The following KLF7 variants were observed in gnomAD, a reference collection of about 807,000 sequenced individuals.
KLF7 encodes the protein Krueppel-like factor 7.
KLF7 carries 2 observed loss-of-function variants against 27.3 expected under a neutral mutation model. The ratio of observed to expected loss-of-function variants is 0.07; its 90% CI spans 0.03 to 0.23. The LOEUF is 0.23. Ranked by LOEUF, KLF7 falls within the 10% of genes least tolerant of loss-of-function variation. The probability of loss-of-function intolerance (pLI) is 1.00; values close to 1 mark genes in which losing one functional copy is unlikely to be tolerated. For synonymous variants in KLF7, 165 were observed against 162.4 expected, an observed-to-expected ratio of 1.02 and a Z score of -0.12; for missense variants, 221 against 394.1, an observed-to-expected ratio of 0.56 and a Z score of 3.72.
Position 207,102,830 on chromosome 2 carries a change from C to T in KLF7, c.734-14249G>A, listed in dbSNP as rs140150616. On this transcript the variant is annotated intron_variant, in intron 2 of 3. Transcript: ENST00000309446. ...AGCTTATGGCCACCCAGAACAAAGA[C>T]TGTATTTCCAATCTCCTTTGCAATT... Among the ~76,000 whole-genome samples, 28 of 152,316 alleles carry T rather than the reference C, an allele frequency of 1.8e-4. No individual in the cohort carries two copies. The East Asian group carries it at 4.4e-3, about 24-fold the overall frequency.
chr2:207,095,212 TA>T (rs2076601373), intron 2 of KLF7, among the ~76,000 whole-genome samples: 1 of 151,960 alleles, frequency 6.6e-6, no homozygotes, highest in Non-Finnish European at 1.5e-5. Context: ...CACGTCCAGC[TA>T]ATTTTTTTGT....
At position 207,109,598 on chromosome 2, in the gene KLF7, C is replaced by T. The variant is rs190429604; in HGVS notation, c.733+14176G>A. On this transcript the variant is annotated intron_variant, in intron 2 of 3. Coordinates refer to ENST00000309446, the MANE Select transcript of KLF7 (RefSeq NM_003709.4). ...CACTTGGCAACTGTAAAGATCAATA[C>T]AAGTGATATTATTATTGCTTACTTG... Among the ~76,000 whole-genome samples, 128 of 152,288 alleles carry T rather than the reference C, an allele frequency of 8.4e-4. 2 individuals carry two copies. Among genetic ancestry groups the T allele is most frequent in the African/African-American group, 3.0e-3 (123 of 41,560 alleles).
At chr2:207,166,301 G>A (rs2106162295), upstream of KLF7, 1 of 450,864 alleles carries the variant, frequency 2.2e-6, no homozygotes, top group Non-Finnish European at 2.9e-6. Context: ...GCACGCTGCG[G>A]ATCTCCCTGC....
At position 207,126,300 on chromosome 2, in the gene KLF7, A is replaced by G. The variant is rs943782756; in HGVS notation, c.103-1896T>C. Among the ~76,000 whole-genome samples, 5 of 152,134 alleles carry G rather than the reference A, an allele frequency of 3.3e-5. No individual in the cohort carries two copies. The South Asian group carries it at 1.0e-3, about 32-fold the overall frequency. ...TCTGAATTATAAGATTCTACTCCTG[A>G]AACCTCCCTTAAATTTCTTCTTCCC... On this transcript the variant is annotated intron_variant, in intron 1 of 3. Coordinates refer to ENST00000309446, the MANE Select transcript of KLF7 (RefSeq NM_003709.4).
At chr2:207,096,579 G>A (rs1181806287) in intron 2 of KLF7, among the ~76,000 whole-genome samples, 1 of 152,154 alleles carries the variant, frequency 6.6e-6, no homozygotes, top group Non-Finnish European at 1.5e-5. Context: ...CAAGGCCCTG[G>A]GAGCAGAAGC....
rs1574403908 is a variant in KLF7, at chr2:207,079,090, T to G, written c.*2123A>C. On this transcript the variant is annotated 3_prime_UTR_variant, in exon 4 of 4. Transcript: ENST00000309446. Reference sequence around the variant, plus strand: ...GTTTTTTTTTTTGTTTTTGTTTTTGTTTTTTTTGGTCTAAATAGAAAAAAG... The same window carrying G: ...GTTTTTTTTTTTGTTTTTGTTTTTGGTTTTTTTGGTCTAAATAGAAAAAAG... The G allele has an allele frequency of 6.6e-6, 1 of 150,642 alleles. No individual in the cohort carries two copies. The highest frequency in any genetic ancestry group is 1.5e-5 in the Non-Finnish European group (1 of 67,870). The allele number at this position is 150,642 out of a possible 1,614,324, so 9.3% of individuals were successfully genotyped here. A position where few individuals can be genotyped will look rare whatever the true frequency, so the allele number is the denominator to read the frequency against.
In KLF7 at chr2:207,077,161, G is replaced by A. The variant is rs1235066642; in HGVS notation, c.*4052C>T. ...GGAAACCATTTTGAACCATCAAAAC[G>A]AGTCACTGGGTTTTGTTCTTGCAAC... On this transcript the variant is annotated 3_prime_UTR_variant, in exon 4 of 4. Coordinates refer to ENST00000309446, the MANE Select transcript of KLF7 (RefSeq NM_003709.4). 4 of 152,142 alleles carry A rather than the reference G, an allele frequency of 2.6e-5. No homozygotes were observed. The highest frequency in any genetic ancestry group is 4.4e-5 in the Non-Finnish European group (3 of 68,014). 9.4% of individuals were successfully genotyped at this position (152,142 alleles called of 1,614,324 possible). A position where few individuals can be genotyped will look rare whatever the true frequency, so the allele number is the denominator to read the frequency against.
chr2:207,153,145 A>G (rs955399961), intron 1 of KLF7, among the ~76,000 whole-genome samples: 1 of 152,212 alleles, frequency 6.6e-6, no homozygotes, highest in Non-Finnish European at 1.5e-5. Context: ...CAGCAAAGCC[A>G]AAGTGCTAGG....
intron 1 of KLF7, among the ~76,000 whole-genome samples, chr2:207,147,249 A>G (rs1396636366): frequency 6.6e-6 from 1 of 152,192 alleles, no homozygotes; most frequent in Non-Finnish European, 1.5e-5. Flanking sequence ...AAAATTTCAA[A>G]AAACAGAAAC....
chr2:207,130,189 C>A (rs181596243), intron 1 of KLF7, among the ~76,000 whole-genome samples: 1 of 152,160 alleles, frequency 6.6e-6, no homozygotes, highest in African/African-American at 2.4e-5. Context: ...CCCATATGCT[C>A]GAAACAATCT....
At chr2:207,137,679 G>A (rs749094583) in intron 1 of KLF7, among the ~76,000 whole-genome samples, 1 of 152,214 alleles carries the variant, frequency 6.6e-6, no homozygotes, top group Non-Finnish European at 1.5e-5. Context: ...GTGAGTGTGT[G>A]TGTGCATTCA....
intron 2 of KLF7, among the ~76,000 whole-genome samples, chr2:207,094,027 C>G (rs1023162128): frequency 5.9e-5 from 9 of 152,204 alleles, no homozygotes; most frequent in African/African-American, 7.2e-5. Flanking sequence ...TGAGCAATAT[C>G]CCCTCTGGGA....
intron 1 of KLF7, among the ~76,000 whole-genome samples, chr2:207,127,912 C>G (rs1299915649): frequency 7.9e-5 from 12 of 152,008 alleles, no homozygotes; most frequent in Non-Finnish European, 1.2e-4. Context: ...TTTTAATATA[C>G]ACACACATAC....
intron 1 of KLF7, among the ~76,000 whole-genome samples, chr2:207,132,973 G>A (rs10206868): frequency 0.067 from 10,132 of 152,316 alleles, 684 homozygotes; most frequent in African/African-American, 0.18. Context: ...CTGACTGGGA[G>A]TCTGTTGGCC....
rs535659917 is a variant in KLF7, at chr2:207,081,042, G to T, written c.*171C>A. ...GTGCATGACAGTGTGTATGTGTGTGGGTCTGTGAGTGTGTGTATATGTGTG... is the reference window on the plus strand; with the variant it reads ...GTGCATGACAGTGTGTATGTGTGTGTGTCTGTGAGTGTGTGTATATGTGTG... On this transcript the variant is annotated 3_prime_UTR_variant, in exon 4 of 4. Coordinates refer to ENST00000309446, the MANE Select transcript of KLF7 (RefSeq NM_003709.4). The T allele has an allele frequency of 4.5e-6, 3 of 661,894 alleles. No individual in the cohort carries two copies. Among genetic ancestry groups the T allele is most frequent in the African/African-American group, 1.9e-5 (1 of 53,690 alleles). The allele number at this position is 661,894 out of a possible 1,614,324, so 41.0% of individuals were successfully genotyped here.
chr2:207,098,150 G>A (rs2076675972), intron 2 of KLF7, among the ~76,000 whole-genome samples: 1 of 151,928 alleles, frequency 6.6e-6, no homozygotes, highest in East Asian at 1.9e-4. Context: ...TGCCTTTTTT[G>A]TCCATTTTAC....
intron 2 of KLF7, among the ~76,000 whole-genome samples, chr2:207,096,676 T>A (rs1354637791): frequency 6.6e-6 from 1 of 152,068 alleles, no homozygotes; most frequent in African/African-American, 2.4e-5. Context: ...CCAAACTTAA[T>A]AGAACGTTTG....
chr2:207,096,093 T>C (rs1464291889), intron 2 of KLF7, among the ~76,000 whole-genome samples: 1 of 152,178 alleles, frequency 6.6e-6, no homozygotes, highest in Non-Finnish European at 1.5e-5. Context: ...TAGCCTAGAA[T>C]CCCAGTGTTC....
chr2:207,098,778 A>ATTTTTTTT (rs1182598901), intron 2 of KLF7, among the ~76,000 whole-genome samples: 52 of 104,674 alleles, frequency 5.0e-4, no homozygotes, highest in East Asian at 8.4e-4. Context: ...CACTTGGCTA[A>ATTTTTTTT]TTTTTTTTTT....
Sources: allele counts gnomAD v4.1 joint callset (sites outside exome capture counted in the v4.1 genomes callset), GRCh38; gene constraint gnomAD v4.1.1; transcripts MANE v1.5; gene names NCBI Gene and HGNC (gene_info 2026-07-23, HGNC 2026-07-21).